The following CADM2 variants were observed in gnomAD, a reference collection of about 807,000 sequenced individuals.
CADM2 encodes cell adhesion molecule 2, also known as immunoglobulin superfamily member 4D.
A neutral mutation model predicts 49.8 loss-of-function variants in CADM2; 12 were observed. The observed-to-expected ratio is 0.24, with a 90% CI of 0.15 to 0.39. CADM2 has a LOEUF of 0.39. Ranked by LOEUF, CADM2 falls within the 10% of genes least tolerant of loss-of-function variation. The probability of loss-of-function intolerance (pLI) is 1.00; values close to 1 mark genes in which losing one functional copy is unlikely to be tolerated. For synonymous variants in CADM2, 214 were observed against 175.4 expected, an observed-to-expected ratio of 1.22 and a Z score of -1.74; for missense variants, 378 against 492.3, an observed-to-expected ratio of 0.77 and a Z score of 2.20.
intron 3 of CADM2, among the ~76,000 whole-genome samples, chr3:85,839,744 T>G (rs1009350251): frequency 1.3e-5 from 2 of 151,886 alleles, no homozygotes; most frequent in African/African-American, 2.4e-5. Context: ...TCCTATGTCT[T>G]TATATTACTT....
rs200136834 is a variant in CADM2 at position 85,778,611 on chromosome 3, TC to T, written c.89-23435del. Among the ~76,000 whole-genome samples, 1,308 of 152,294 alleles carry T rather than the reference TC, an allele frequency of 8.6e-3. 13 individuals carry two copies. Among genetic ancestry groups the T allele is most frequent in the Middle Eastern group, 0.041 (12 of 294 alleles). ...CCATGATTGTAAGTTTCCTGAGGCC[TC>T]TCAACCATGCAGAACTGTGAGTCAA... On this transcript the variant is annotated intron_variant, in intron 2 of 9. Coordinates refer to ENST00000383699, the MANE Select transcript of CADM2 (RefSeq NM_001167675.2).
At chr3:85,011,179 T>G (rs1020218966) in intron 1 of CADM2, among the ~76,000 whole-genome samples, 4 of 152,032 alleles carry the variant, frequency 2.6e-5, no homozygotes, top group Admixed American at 2.0e-4. Context: ...ATGTCTTTTT[T>G]TTGTTGTTAT....
At chr3:85,379,327 G>C (rs1409326759) in intron 1 of CADM2, among the ~76,000 whole-genome samples, 1 of 151,920 alleles carries the variant, frequency 6.6e-6, no homozygotes, top group Non-Finnish European at 1.5e-5. Context: ...TAAGTGTAAT[G>C]CTATTTGTTT....
intron 1 of CADM2, among the ~76,000 whole-genome samples, chr3:85,066,288 T>C (rs2036527247): frequency 6.6e-6 from 1 of 151,696 alleles, no homozygotes; most frequent in African/African-American, 2.4e-5. Context: ...TGATGGGTTG[T>C]AGCAGTTGTT....
chr3:85,839,972 C>T (rs890734439), intron 3 of CADM2, among the ~76,000 whole-genome samples: 5 of 151,744 alleles, frequency 3.3e-5, no homozygotes, highest in East Asian at 1.9e-4. Context: ...TGTTCATTAA[C>T]GAGAATAAAG....
chr3:85,853,007 T>A (rs1424127245), intron 3 of CADM2, among the ~76,000 whole-genome samples: 1 of 152,080 alleles, frequency 6.6e-6, no homozygotes, highest in South Asian at 2.1e-4. Flanking sequence ...TTAAAACGAA[T>A]AAAAATATAG....
intron 1 of CADM2, among the ~76,000 whole-genome samples, chr3:85,197,519 A>G (rs951856926): frequency 1.3e-5 from 2 of 151,954 alleles, no homozygotes; most frequent in African/African-American, 4.8e-5. Flanking sequence ...ATGAAGAAGC[A>G]GAAGCTTGAA....
chr3:85,622,576 A>G (rs1346937809), intron 1 of CADM2, among the ~76,000 whole-genome samples: 1 of 152,152 alleles, frequency 6.6e-6, no homozygotes, highest in East Asian at 1.9e-4. Flanking sequence ...ATCTTTTAGC[A>G]GATCCTCATA....
At chr3:85,726,471 T>C in intron 1 of CADM2, 51 bp from the exon 2 acceptor site, 1 of 1,602,146 alleles carries the variant, frequency 6.2e-7, no homozygotes. Flanking sequence ...AGAATCTGTC[T>C]AATATCTAAT....
chr3:85,908,197 T>C (rs2108468410), intron 5 of CADM2, among the ~76,000 whole-genome samples: 2 of 149,374 alleles, frequency 1.3e-5, no homozygotes, highest in Non-Finnish European at 3.0e-5. Context: ...AATATGATAT[T>C]TTGTGAAAAA....
intron 1 of CADM2, among the ~76,000 whole-genome samples, chr3:85,223,106 A>G (rs1344090532): frequency 6.6e-6 from 1 of 152,188 alleles, no homozygotes; most frequent in African/African-American, 2.4e-5. Flanking sequence ...AAATGACAGT[A>G]ACTGAAACAT....
chr3:85,848,017 C>A (rs1202813491), intron 3 of CADM2, among the ~76,000 whole-genome samples: 1 of 151,976 alleles, frequency 6.6e-6, no homozygotes, highest in African/African-American at 2.4e-5. Flanking sequence ...GGAATTAATA[C>A]ATTTTTTATC....
chr3:85,345,597 C>T (rs950258928), intron 1 of CADM2, among the ~76,000 whole-genome samples: 2 of 151,996 alleles, frequency 1.3e-5, no homozygotes, highest in African/African-American at 2.4e-5. Context: ...ATTACGAGTC[C>T]TGAAGAATTT....
chr3:85,884,773 G>C (rs1456542481), intron 4 of CADM2, among the ~76,000 whole-genome samples: 2 of 148,932 alleles, frequency 1.3e-5, no homozygotes, highest in Admixed American at 6.7e-5. Flanking sequence ...TAGCCTGGCT[G>C]GAGTGCAGTG....
chr3:85,881,921 AGTTCACAATAGG>A (rs1213855570), intron 3 of CADM2, among the ~76,000 whole-genome samples: 2 of 152,122 alleles, frequency 1.3e-5, no homozygotes, highest in Non-Finnish European at 2.9e-5. Context: ...TCATATCCAG[AGTTCACAATAGG>A]GTTCACTCTC....
intron 1 of CADM2, among the ~76,000 whole-genome samples, chr3:85,061,608 T>C (rs992912993): frequency 8.5e-5 from 13 of 152,124 alleles, no homozygotes; most frequent in Admixed American, 8.5e-4. Context: ...CCAATTACAG[T>C]TGACAGTCAT....
At chr3:86,042,312 C>G (rs570090211) in intron 8 of CADM2, among the ~76,000 whole-genome samples, 4 of 151,888 alleles carry the variant, frequency 2.6e-5, no homozygotes, top group Admixed American at 1.3e-4. Flanking sequence ...AAAAGATCAA[C>G]AAAATTGATA....
intron 1 of CADM2, among the ~76,000 whole-genome samples, chr3:85,473,195 T>A (rs1318664013): frequency 6.6e-6 from 1 of 152,078 alleles, no homozygotes; most frequent in Non-Finnish European, 1.5e-5. Context: ...TAAAATGGAA[T>A]TCATTGAAAT....
rs2036695254 is a variant in CADM2 at position 85,070,593 on chromosome 3, A to G, written c.61+110925A>G. The stretch of plus-strand genomic sequence containing the variant: ...TTTGTCACTATATCCTAAGCTATAA[A>G]ACGAAAGAAAGTTAAATAGAACAAA... On this transcript the variant is annotated intron_variant, in intron 1 of 9. Transcript: ENST00000383699. Among the ~76,000 whole-genome samples, 8 of 152,180 alleles carry G rather than the reference A, an allele frequency of 5.3e-5. No individual in the cohort carries two copies. In the South Asian group the frequency reaches 1.7e-3, roughly 32 times the overall value.
Sources: gnomAD v4.1 joint callset for allele counts (sites outside exome capture counted in the v4.1 genomes callset) on GRCh38, gnomAD v4.1.1 for gene constraint, MANE v1.5 for transcripts, NCBI Gene and HGNC (gene_info 2026-07-23, HGNC 2026-07-21) for gene names.